The following HIVEP3 variants were observed in gnomAD, a reference collection of about 807,000 sequenced individuals.
HIVEP3 encodes transcription factor HIVEP3.
HIVEP3 carries 49 observed loss-of-function variants against 152.8 expected under a neutral mutation model. The ratio of observed to expected loss-of-function variants is 0.32; its 90% CI spans 0.26 to 0.41. The LOEUF (loss-of-function observed/expected upper bound fraction) is 0.41. HIVEP3 is among the 10% of genes least tolerant of loss of function. The probability of loss-of-function intolerance (pLI) is 1.00; values close to 1 mark genes in which losing one functional copy is unlikely to be tolerated. For synonymous variants in HIVEP3, 1,269 were observed against 1,289.0 expected (o/e 0.98, Z 0.33); for missense variants, 2,790 against 3,103.3 (o/e 0.90, Z 2.40).
At position 42,007,193 on chromosome 1, in the gene HIVEP3, T is replaced by G. The variant is rs767735657; in HGVS notation, n.119+28614A>C. On this transcript the variant is annotated intron_variant and non_coding_transcript_variant, in intron 1 of 3. Transcript: ENST00000489103. ...TCTCCACCACAGCAGAGAGAGAGCCTGATCAATTGCATGTACCATTTCATT... is the reference window on the plus strand; with the variant it reads ...TCTCCACCACAGCAGAGAGAGAGCCGGATCAATTGCATGTACCATTTCATT... Among the ~76,000 whole-genome samples, 2 of 152,322 alleles carry G rather than the reference T, an allele frequency of 1.3e-5. 1 individual carries two copies. Among genetic ancestry groups the G allele is most frequent in the South Asian group, 4.1e-4 (2 of 4,830 alleles).
chr1:41,844,539 C>T (rs1486037018), intron 1 of HIVEP3, among the ~76,000 whole-genome samples: 1 of 152,214 alleles, frequency 6.6e-6, no homozygotes, highest in African/African-American at 2.4e-5. Flanking sequence ...TTGAAAACCA[C>T]AGTGTTGGGG....
chr1:41,860,698 C>T (rs894855305), intron 1 of HIVEP3, among the ~76,000 whole-genome samples: 4 of 152,182 alleles, frequency 2.6e-5, no homozygotes, highest in Non-Finnish European at 5.9e-5. Flanking sequence ...GGATATTTCC[C>T]CCTAATATCT....
chr1:41,667,178 A>G (rs1645808435), intron 2 of HIVEP3, among the ~76,000 whole-genome samples: 1 of 152,250 alleles, frequency 6.6e-6, no homozygotes, highest in Admixed American at 6.5e-5. Flanking sequence ...TAGATTCTGC[A>G]TCTCTGTGCA....
intron 1 of HIVEP3, among the ~76,000 whole-genome samples, chr1:41,967,241 A>G (rs987776643): frequency 6.6e-6 from 1 of 152,226 alleles, no homozygotes; most frequent in Non-Finnish European, 1.5e-5. Flanking sequence ...AATAGAATAT[A>G]CATTATTCTT....
chr1:41,510,495 C>T lies in HIVEP3; in HGVS notation c.7177G>A (p.Ala2393Thr), dbSNP rs1471870920. 1.3e-6 allele frequency: 2 copies of T among 1,592,832 alleles called. No individual in the cohort carries two copies. The highest frequency in any genetic ancestry group is 8.6e-7 in the Non-Finnish European group (1 of 1,169,488). ...PKPSGSGEPR[A>T]HPHQPEDRVP... ...CTGTCCTCAGGCTGATGTGGATGTG[C>T]CCTGGGCTCCCCACTTCCTGAGGGC... The change falls in exon 9 of 9, where the codon GCA becomes ACA. Residue 2393 changes from alanine to threonine, a missense_variant. Physicochemically the swap from Ala to Thr is moderately conservative, Grantham distance 58. Transcript: ENST00000372583.
chr1:41,517,699 A>G (rs1264250719), intron 7 of HIVEP3, among the ~76,000 whole-genome samples: 1 of 152,066 alleles, frequency 6.6e-6, no homozygotes. Context: ...CCCTCTGGCC[A>G]CCTGCCTGAC....
intron 1 of HIVEP3, among the ~76,000 whole-genome samples, chr1:41,870,561 G>C (rs1230060461): frequency 6.6e-6 from 1 of 152,172 alleles, no homozygotes; most frequent in Non-Finnish European, 1.5e-5. Flanking sequence ...TAAAGCATTT[G>C]AAAGCTCCAT....
Position 41,628,737 on chromosome 1 carries a change from C to A in HIVEP3, c.-522+12G>T. 1 of 1,231,664 alleles carries A rather than the reference C, an allele frequency of 8.1e-7. No homozygotes were observed. 76.3% of individuals were successfully genotyped at this position (1,231,664 alleles called of 1,614,324 possible). On this transcript the variant is annotated intron_variant, in intron 3 of 8. Transcript: ENST00000372583. The stretch of plus-strand genomic sequence containing the variant: ...CTGGCAAGCATATTCAGCAACAGCC[C>A]CCATTTCCTACCTGTGCTGAAGGCA...
intron 2 of HIVEP3, among the ~76,000 whole-genome samples, chr1:41,695,542 A>G (rs532878312): frequency 2.2e-4 from 34 of 152,298 alleles, no homozygotes; most frequent in Admixed American, 1.8e-3. Flanking sequence ...GCTCCATTCC[A>G]ATCAGGAGGT....
intron 1 of HIVEP3, among the ~76,000 whole-genome samples, chr1:41,963,252 C>G (rs1645178904): frequency 6.6e-6 from 1 of 152,122 alleles, no homozygotes; most frequent in Admixed American, 6.5e-5. Flanking sequence ...ACCTCGTGAT[C>G]CGCCTGCCTC....
chr1:41,839,183 G>A lies in HIVEP3; in HGVS notation c.-801+79230C>T, dbSNP rs549275308. On this transcript the variant is annotated intron_variant, in intron 1 of 8. Coordinates refer to ENST00000372583, the MANE Select transcript of HIVEP3 (RefSeq NM_024503.5). The stretch of plus-strand genomic sequence containing the variant: ...CTCACCCTATGCTACAGGGTCCACA[G>A]AGGAGGGAAGGTGGAGCCCTGAGAA... Among the ~76,000 whole-genome samples, 6 of 152,284 alleles carry A rather than the reference G, an allele frequency of 3.9e-5. No homozygotes were observed. In the East Asian group the frequency reaches 1.2e-3, roughly 29 times the overall value.
Position 41,510,990 on chromosome 1 carries a change from C to G in HIVEP3, c.6682G>C (p.Gly2228Arg). ...CGGGCCCCTGTCAGGTCGCTGCCAC[C>G]CCCGGAGAAGCCACTGACCCAGGCT... is the stretch of plus-strand genomic sequence containing the variant. ...TAAWVSGFSG[G>R]GSDLTGAREA... Residue 2228 changes from glycine (G) to arginine (R), a missense_variant, in exon 9 of 9, where the codon GGT (glycine) becomes CGT (arginine). Physicochemically the swap from Gly to Arg is moderately radical, Grantham distance 125. Around this residue, in one of 9 missense-constraint regions of HIVEP3, gnomAD observed 816 missense variants for 806.5 expected, o/e 1.01. Transcript: ENST00000372583. The G allele has an allele frequency of 6.2e-7, 1 of 1,613,510 alleles. No homozygotes were observed. The highest frequency in any genetic ancestry group is 1.1e-5 in the South Asian group (1 of 91,050).
intron 5 of HIVEP3, among the ~76,000 whole-genome samples, chr1:41,541,059 AC>A (rs1381241578): frequency 6.6e-6 from 1 of 152,098 alleles, no homozygotes; most frequent in Non-Finnish European, 1.5e-5. Context: ...TCTGATTAGG[AC>A]GCTGCGAGTG....
intron 1 of HIVEP3, among the ~76,000 whole-genome samples, chr1:41,853,483 G>C (rs898426295): frequency 6.6e-6 from 1 of 152,102 alleles, no homozygotes; most frequent in South Asian, 2.1e-4. Flanking sequence ...CAGATATTTC[G>C]AGAACTCACT....
At chr1:41,723,859 GGT>G (rs1227257297) in intron 1 of HIVEP3, among the ~76,000 whole-genome samples, 4 of 152,126 alleles carry the variant, frequency 2.6e-5, no homozygotes, top group Admixed American at 1.3e-4. Flanking sequence ...GGTTTCTTCT[GGT>G]CAAGGCTGGA....
At chr1:41,930,395 G>A (rs566676234) in intron 1 of HIVEP3, among the ~76,000 whole-genome samples, 37 of 152,110 alleles carry the variant, frequency 2.4e-4, no homozygotes, top group Non-Finnish European at 5.0e-4. Context: ...TTTGGGTCTG[G>A]ATTCTTTCAC....
Position 41,758,630 on chromosome 1 carries a change from G to A in HIVEP3, c.-800-57635C>T, listed in dbSNP as rs149216524. On this transcript the variant is annotated intron_variant, in intron 1 of 8. Transcript: ENST00000372583. ...AGTCTCTGGGCCGAGGCCCAGGAAT[G>A]TCATTTTACAAATTCCTTGGGTGAT... 3.0e-3 allele frequency among the ~76,000 whole-genome samples: 454 copies of A among 152,346 alleles called. 15 individuals are homozygous for A. Among genetic ancestry groups the A allele is most frequent in the Admixed American group, 0.028 (426 of 15,302 alleles).
At chr1:41,568,781 G>A (rs1478627695) in intron 5 of HIVEP3, among the ~76,000 whole-genome samples, 1 of 152,250 alleles carries the variant, frequency 6.6e-6, no homozygotes, top group East Asian at 1.9e-4. Flanking sequence ...AACTGAATGA[G>A]TGACTTTGCC....
At chr1:41,646,662 A>G (rs1570209388) in intron 2 of HIVEP3, among the ~76,000 whole-genome samples, 1 of 152,192 alleles carries the variant, frequency 6.6e-6, no homozygotes, top group East Asian at 1.9e-4. Flanking sequence ...GAAGAGCACG[A>G]CTACAGAGTC....
Sources: allele counts gnomAD v4.1 joint callset (sites outside exome capture counted in the v4.1 genomes callset), GRCh38; gene constraint gnomAD v4.1.1; regional missense constraint gnomAD v4.1.1; transcripts MANE v1.5; gene names NCBI Gene and HGNC (gene_info 2026-07-23, HGNC 2026-07-21).